Variants in WDR11 observed in about 807,000 individuals in gnomAD.
WDR11 encodes WD repeat-containing protein 11.
Under a neutral mutation model 151.2 loss-of-function variants are expected in WDR11, and 83 were observed. That is an observed-to-expected ratio of 0.55 (90% CI 0.46 to 0.66). The LOEUF (loss-of-function observed/expected upper bound fraction) is 0.66. Among genes scored for constraint, WDR11 ranks in the 30% least tolerant of loss-of-function variants. The pLI is 0.00. For missense variants in WDR11, 1,301 were observed against 1,480.9 expected, an observed-to-expected ratio of 0.88 and a Z score of 1.99; for synonymous variants, 484 against 533.1, an observed-to-expected ratio of 0.91 and a Z score of 1.27.
At chr10:120,907,002 A>T in intron 28 of WDR11, 147 bp downstream of exon 28, 2 of 1,267,028 alleles carry the variant, frequency 1.6e-6, no homozygotes, top group East Asian at 5.1e-5. Context: ...CAAAGCCAGG[A>T]AAGAGGGAGA....
At position 120,851,394 on chromosome 10, in the gene WDR11, C is replaced by T. The variant is rs1170867459; in HGVS notation, c.-27C>T. 2 of 1,595,328 alleles carry T rather than the reference C, an allele frequency of 1.3e-6. No individual in the cohort carries two copies. The highest frequency in any genetic ancestry group is 1.7e-6 in the Non-Finnish European group (2 of 1,170,960). ...CCGCCGCTTCCTGGTTGCGGGTCAG[C>T]GCCCAGGTCCTGGGCTGGCCGCCGG... On this transcript the variant is annotated 5_prime_UTR_variant, in exon 1 of 29. Transcript: ENST00000263461.
chr10:120,851,364 A>G lies in WDR11; in HGVS notation c.-57A>G, dbSNP rs1845762568. 3 of 1,508,206 alleles carry G rather than the reference A, an allele frequency of 2.0e-6. No individual in the cohort carries two copies. Among genetic ancestry groups the G allele is most frequent in the African/African-American group, 1.4e-5 (1 of 73,122 alleles). The allele number at this position is 1,508,206 out of a possible 1,614,324, so 93.4% of individuals were successfully genotyped here. ...CGGACTCTGTTTGGAACGGAAGCAC[A>G]GTGTCCGCCGCTTCCTGGTTGCGGG... is the stretch of plus-strand genomic sequence containing the variant. On this transcript the variant is annotated 5_prime_UTR_variant, in exon 1 of 29. Coordinates refer to ENST00000263461, the MANE Select transcript of WDR11 (RefSeq NM_018117.12).
At chr10:120,858,852 G>A (rs1292482027) in intron 3 of WDR11, 56 bp downstream of exon 3, 1 of 1,607,964 alleles carries the variant, frequency 6.2e-7, no homozygotes, top group Non-Finnish European at 8.5e-7. Context: ...TCTTGGAGTG[G>A]TTTTTTGGTT....
At chr10:120,852,460 T>G in intron 1 of WDR11, 64 bp from the exon 2 acceptor site, 1 of 1,379,910 alleles carries the variant, frequency 7.2e-7, no homozygotes, top group South Asian at 1.2e-5. Flanking sequence ...TTATTTAGGC[T>G]TGGCAAGAAA....
rs77435253 is a variant in WDR11 at position 120,852,165 on chromosome 10, A to G, written c.87-359A>G. 2.3e-3 allele frequency: 694 copies of G among 306,774 alleles called. 9 individuals carry two copies. In the East Asian group the frequency reaches 0.023, roughly 10 times the overall value. 19.0% of individuals were successfully genotyped at this position (306,774 alleles called of 1,614,324 possible). A position where few individuals can be genotyped will look rare whatever the true frequency, so the allele number is the denominator to read the frequency against. On this transcript the variant is annotated intron_variant, in intron 1 of 28. Coordinates refer to ENST00000263461, the MANE Select transcript of WDR11 (RefSeq NM_018117.12). ...GTTTTATTTAGTTGGAAGGACTAGG[A>G]TTAGTCGCAGTATCCCCAGGCACAT...
At chr10:120,852,341 G>A in intron 1 of WDR11, 183 bp from the exon 2 acceptor site, 1 of 585,998 alleles carries the variant, frequency 1.7e-6, no homozygotes, top group East Asian at 3.0e-5. Flanking sequence ...ATTTCAACAA[G>A]CATTTTAAGC....
At chr10:120,905,630 G>A in intron 26 of WDR11, 1 of 797,166 alleles carries the variant, frequency 1.3e-6, no homozygotes, top group Non-Finnish European at 2.0e-6. Context: ...TTAAGTAAAA[G>A]CAGCTGCCTC....
chr10:120,903,152 A>AAAGAAGCTGCTCCTC lies in WDR11; in HGVS notation c.2852_2866dup (p.Pro955_Arg956insGlnGluAlaAlaPro), dbSNP rs745740423. The stretch of plus-strand genomic sequence containing the variant: ...AAAGTCAGCCAGCACAACAGCTCCT[A>AAAGAAGCTGCTCCTC]AAGAAGCTGCTCCTCGAGACAAACT... On this transcript the variant is annotated inframe_insertion, in exon 23 of 29. Coordinates refer to ENST00000263461, the MANE Select transcript of WDR11 (RefSeq NM_018117.12). The AAAGAAGCTGCTCCTC allele has an allele frequency of 1.2e-6, 2 of 1,614,210 alleles. No homozygotes were observed. The highest frequency in any genetic ancestry group is 1.7e-6 in the Non-Finnish European group (2 of 1,180,032).
chr10:120,903,164 C>G lies in WDR11; in HGVS notation c.2863C>G (p.Pro955Ala). 2 of 1,614,192 alleles carry G rather than the reference C, an allele frequency of 1.2e-6. No individual in the cohort carries two copies. Among genetic ancestry groups the G allele is most frequent in the Non-Finnish European group, 8.5e-7 (1 of 1,180,036 alleles). Reference sequence around the variant, plus strand: ...CACAACAGCTCCTAAAGAAGCTGCTCCTCGAGACAAACTGAGCAACCCACT... The same window carrying G: ...CACAACAGCTCCTAAAGAAGCTGCTGCTCGAGACAAACTGAGCAACCCACT... Reference protein sequence around the residue: ...ASTTAPKEAAPRDKLSNPLDI... With the variant: ...ASTTAPKEAAARDKLSNPLDI... Residue 955 changes from proline to alanine, a missense_variant, in exon 23 of 29, where the codon CCT becomes GCT. Transcript: ENST00000263461.
At chr10:120,871,076 G>T in intron 9 of WDR11, 94 bp from the exon 10 acceptor site, 2 of 1,277,758 alleles carry the variant, frequency 1.6e-6, no homozygotes, top group Admixed American at 2.0e-5. Context: ...TATACTTTTA[G>T]ACCTGAAGAG....
intron 19 of WDR11, among the ~76,000 whole-genome samples, chr10:120,891,340 T>C (rs376749715): frequency 3.2e-4 from 49 of 152,298 alleles, no homozygotes; most frequent in African/African-American, 1.2e-3. Flanking sequence ...CTGTGACTAG[T>C]AAAATGACCA....
intron 2 of WDR11, among the ~76,000 whole-genome samples, chr10:120,857,952 A>G (rs1394728383): frequency 6.6e-6 from 1 of 152,184 alleles, no homozygotes; most frequent in Non-Finnish European, 1.5e-5. Flanking sequence ...AATAAGCAGG[A>G]TACTGAGAAG....
intron 12 of WDR11, among the ~76,000 whole-genome samples, chr10:120,878,697 C>T (rs1846891112): frequency 6.6e-6 from 1 of 152,058 alleles, no homozygotes; most frequent in South Asian, 2.1e-4. Context: ...CAGACAGATT[C>T]ATTAAAAAAT....
intron 16 of WDR11, 129 bp downstream of exon 16, chr10:120,886,965 T>A: frequency 9.9e-7 from 1 of 1,007,174 alleles, no homozygotes; most frequent in Non-Finnish European, 1.5e-6. Context: ...TAAGGAGATA[T>A]TATCGATTAA....
chr10:120,906,900 A>G, intron 28 of WDR11, 45 bp downstream of exon 28: 2 of 1,613,900 alleles, frequency 1.2e-6, no homozygotes, highest in Non-Finnish European at 1.7e-6. Flanking sequence ...AGAAAGTGAC[A>G]TGCATGGGTT....
chr10:120,903,233 GT>G lies in WDR11; in HGVS notation c.2931+2del. 3 of 1,614,098 alleles carry G rather than the reference GT, an allele frequency of 1.9e-6. No homozygotes were observed. Among genetic ancestry groups the G allele is most frequent in the Non-Finnish European group, 2.5e-6 (3 of 1,180,008 alleles). On this transcript the variant is annotated splice_donor_variant, in intron 23 of 28. Transcript: ENST00000263461. LOFTEE classifies it high-confidence loss of function. ...GCTCTGTGAAAATGCCTACTTTCAG[GT>G]AGTCTGCTTCACACAGCAAAACCTT...
chr10:120,853,808 G>A (rs1845859967), intron 2 of WDR11, among the ~76,000 whole-genome samples: 1 of 152,166 alleles, frequency 6.6e-6, no homozygotes, highest in African/African-American at 2.4e-5. Flanking sequence ...CAGTATAAAG[G>A]AGAGTAAGAG....
intron 9 of WDR11, among the ~76,000 whole-genome samples, chr10:120,870,338 T>C (rs1009450951): frequency 6.6e-6 from 1 of 152,250 alleles, no homozygotes; most frequent in African/African-American, 2.4e-5. Flanking sequence ...TGTATGTATA[T>C]ACTCATGCAT....
At chr10:120,865,592 A>G in intron 6 of WDR11, 38 bp from the exon 7 acceptor site, 1 of 1,348,766 alleles carries the variant, frequency 7.4e-7, no homozygotes, top group South Asian at 1.2e-5. Flanking sequence ...TTATTAATCT[A>G]TTGTGTTTTA....
Sources: allele counts gnomAD v4.1 joint callset (sites outside exome capture counted in the v4.1 genomes callset), GRCh38; gene constraint gnomAD v4.1.1; transcripts MANE v1.5; gene names NCBI Gene and HGNC (gene_info 2026-07-23, HGNC 2026-07-21).